Variants in SIRT2 observed in about 807,000 individuals in gnomAD.
SIRT2 encodes the protein NAD-dependent protein deacetylase sirtuin-2.
A neutral mutation model predicts 57.4 loss-of-function variants in SIRT2; 40 were observed. That is an observed-to-expected ratio of 0.70 (90% CI 0.54 to 0.91). SIRT2 has a LOEUF of 0.91. SIRT2 is among the 40% of genes least tolerant of loss of function. The pLI, the probability that SIRT2 is intolerant of heterozygous loss-of-function variation, is 0.00. For synonymous variants in SIRT2, 161 were observed against 195.7 expected (o/e 0.82, Z 1.48); for missense variants, 439 against 510.4 (o/e 0.86, Z 1.35).
chr19:38,891,858 T>C (rs1242728565), intron 4 of SIRT2: 1 of 468,748 alleles, frequency 2.1e-6, no homozygotes, highest in African/African-American at 2.0e-5. Flanking sequence ...TGTGTTGTCT[T>C]TGGGGCCTGC....
intron 9 of SIRT2, 147 bp from the exon 10 acceptor site, chr19:38,881,638 C>G (rs1247186983): frequency 6.1e-6 from 4 of 651,860 alleles, no homozygotes; most frequent in Non-Finnish European, 1.1e-5. Context: ...GAGGTGTCCA[C>G]TCTGCTCAGA....
chr19:38,893,554 C>A, intron 3 of SIRT2, 27 bp from the exon 4 acceptor site: 2 of 1,517,258 alleles, frequency 1.3e-6, no homozygotes, highest in Middle Eastern at 1.7e-4. Context: ...GAGACAGCGG[C>A]AGGACGGGCA....
At chr19:38,884,318 T>C (rs900939768) in intron 8 of SIRT2, among the ~76,000 whole-genome samples, 1 of 152,220 alleles carries the variant, frequency 6.6e-6, no homozygotes, top group African/African-American at 2.4e-5. Context: ...AATGTCTCTG[T>C]TATTAATGGA....
chr19:38,879,798 C>T, intron 13 of SIRT2, 96 bp from the exon 14 acceptor site: 2 of 830,666 alleles, frequency 2.4e-6, no homozygotes, highest in Admixed American at 5.7e-5. Context: ...TATCCTAGCT[C>T]TGTGACTTTG....
intron 11 of SIRT2, 29 bp downstream of exon 11, chr19:38,881,071 G>A: frequency 6.2e-7 from 1 of 1,609,514 alleles, no homozygotes; most frequent in Non-Finnish European, 8.5e-7. Flanking sequence ...CGGCGGTTGG[G>A]GATGCGGGGA....
chr19:38,897,202 T>C (rs11575003), intron 2 of SIRT2, among the ~76,000 whole-genome samples: 34,643 of 152,114 alleles, frequency 0.23, 8,107 homozygotes, highest in African/African-American at 0.6. Context: ...CACTAAACAG[T>C]GGGCCCAGCT....
intron 8 of SIRT2, among the ~76,000 whole-genome samples, chr19:38,887,123 A>G (rs1164367447): frequency 6.6e-6 from 1 of 152,080 alleles, no homozygotes; most frequent in Non-Finnish European, 1.5e-5. Context: ...TTTTTCGTAG[A>G]GATGGGGTTT....
At chr19:38,891,869 C>T in intron 4 of SIRT2, 1 of 468,834 alleles carries the variant, frequency 2.1e-6, no homozygotes, top group South Asian at 1.6e-5. Flanking sequence ...TGGGGCCTGC[C>T]CAGGCTAAAA....
intron 9 of SIRT2, among the ~76,000 whole-genome samples, chr19:38,883,016 T>A (rs1235829832): frequency 1.3e-5 from 2 of 151,996 alleles, no homozygotes; most frequent in African/African-American, 4.8e-5. Context: ...AGAGGCTTTG[T>A]TAAATCAGCA....
intron 6 of SIRT2, 38 bp from the exon 7 acceptor site, chr19:38,889,783 T>C: frequency 6.2e-7 from 1 of 1,613,986 alleles, no homozygotes; most frequent in South Asian, 1.1e-5. Flanking sequence ...ATGCCCCAGG[T>C]AGCGTGAGGG....
chr19:38,894,949 T>C (rs1028449964), intron 2 of SIRT2: 16 of 454,562 alleles, frequency 3.5e-5, no homozygotes, highest in African/African-American at 2.8e-4. Flanking sequence ...CCCCAGCCTC[T>C]CACTCCTACT....
At chr19:38,879,937 C>G in intron 13 of SIRT2, 1 of 529,074 alleles carries the variant, frequency 1.9e-6, no homozygotes, top group Non-Finnish European at 3.4e-6. Context: ...GTGATTCTCC[C>G]GCCTCAACCT....
intron 2 of SIRT2, among the ~76,000 whole-genome samples, chr19:38,895,608 G>A (rs775242673): frequency 2.0e-5 from 3 of 152,148 alleles, no homozygotes; most frequent in Non-Finnish European, 4.4e-5. Flanking sequence ...CCTCCCTTCC[G>A]AACATACGAC....
At chr19:38,888,968 G>T in intron 8 of SIRT2, 119 bp downstream of exon 8, 1 of 847,106 alleles carries the variant, frequency 1.2e-6, no homozygotes. Context: ...CCAAGCCCTG[G>T]CCCCGCATTG....
At chr19:38,889,279 C>T (rs750016633) in intron 7 of SIRT2, 124 bp from the exon 8 acceptor site, 25 of 851,810 alleles carry the variant, frequency 2.9e-5, no homozygotes, top group African/African-American at 1.3e-4. Context: ...ACAGCAGCCG[C>T]GTCGGGGAGA....
intron 13 of SIRT2, 176 bp from the exon 14 acceptor site, chr19:38,879,878 T>G: frequency 1.7e-6 from 1 of 595,470 alleles, no homozygotes. Context: ...CAGGCTGGAG[T>G]GCAATGATGT....
At chr19:38,897,883 G>A (rs949311921) in intron 2 of SIRT2, among the ~76,000 whole-genome samples, 4 of 151,784 alleles carry the variant, frequency 2.6e-5, no homozygotes, top group African/African-American at 4.8e-5. Context: ...CTTTCACCCC[G>A]GCTGGAGTGC....
chr19:38,886,979 C>T (rs1351071717), intron 8 of SIRT2, among the ~76,000 whole-genome samples: 1 of 151,874 alleles, frequency 6.6e-6, no homozygotes, highest in African/African-American at 2.4e-5. Context: ...TCTCTGTCAC[C>T]CAGGCTGGAG....
chr19:38,896,691 A>C (rs1166577030), intron 2 of SIRT2, among the ~76,000 whole-genome samples: 1 of 152,030 alleles, frequency 6.6e-6, no homozygotes, highest in Non-Finnish European at 1.5e-5. Flanking sequence ...TTAACATTCA[A>C]CCTTTTTCTC....
Sources: allele counts gnomAD v4.1 joint callset (sites outside exome capture counted in the v4.1 genomes callset), GRCh38; gene constraint gnomAD v4.1.1; transcripts MANE v1.5; gene names NCBI Gene and HGNC (gene_info 2026-07-23, HGNC 2026-07-21).